MED23: variants seen among roughly 807,000 people sequenced by gnomAD.
MED23 encodes mediator complex subunit 23.
MED23 carries 105 observed loss-of-function variants against 163.9 expected under a neutral mutation model. The ratio of observed to expected loss-of-function variants is 0.64; its 90% CI spans 0.55 to 0.75. The LOEUF (loss-of-function observed/expected upper bound fraction) is 0.75, where lower values mean the gene tolerates loss of function less well. MED23 is among the 30% of genes least tolerant of loss of function. MED23 has a pLI of 0.00. For synonymous variants in MED23, 561 were observed against 565.6 expected (o/e 0.99, Z 0.12); for missense variants, 1,054 against 1,649.0 (o/e 0.64, Z 6.25).
chr6:131,592,616 TA>T, intron 24 of MED23, 156 bp from the exon 25 acceptor site: 1 of 691,708 alleles, frequency 1.4e-6, no homozygotes, highest in South Asian at 1.7e-5. Context: ...AATAAAAATG[TA>T]ATATGCATAA....
intron 17 of MED23, among the ~76,000 whole-genome samples, chr6:131,601,965 G>T (rs1775518229): frequency 6.6e-6 from 1 of 151,970 alleles, no homozygotes; most frequent in South Asian, 2.1e-4. Context: ...GCAGTCCTGA[G>T]ACCAAAAAGC....
At chr6:131,615,282 C>T (rs1010773056) in intron 10 of MED23, 21 of 1,602,662 alleles carry the variant, frequency 1.3e-5, no homozygotes, top group Non-Finnish European at 1.5e-5. Context: ...AAGCGGCCAG[C>T]GTATCGTTAG....
intron 30 of MED23, among the ~76,000 whole-genome samples, chr6:131,577,254 T>C (rs1336732820): frequency 1.3e-5 from 2 of 152,186 alleles, no homozygotes; most frequent in East Asian, 1.9e-4. Flanking sequence ...AAGATTCTGA[T>C]AAAGTGTTGG....
intron 5 of MED23, among the ~76,000 whole-genome samples, chr6:131,622,582 T>A (rs908827442): frequency 1.3e-5 from 2 of 152,332 alleles, no homozygotes; most frequent in African/African-American, 4.8e-5. Flanking sequence ...GTAACCAAGC[T>A]TGTAAAAGAC....
intron 30 of MED23, among the ~76,000 whole-genome samples, chr6:131,575,519 A>G (rs1773572766): frequency 6.6e-6 from 1 of 152,194 alleles, no homozygotes; most frequent in African/African-American, 2.4e-5. Context: ...CCTTGCTGCC[A>G]GGGACAGGAA....
intron 30 of MED23, among the ~76,000 whole-genome samples, chr6:131,578,432 A>C (rs1773737866): frequency 6.6e-6 from 1 of 152,176 alleles, no homozygotes; most frequent in Non-Finnish European, 1.5e-5. Flanking sequence ...AGCCTAATTC[A>C]AGGCCTTTTA....
At position 131,581,324 on chromosome 6, in the gene MED23, T is replaced by C. The variant is rs759282838; in HGVS notation, c.4095+6385A>G. ...TCAACACTCCACTGACAACCACAAG[T>C]GGAAACTTGCATGGACAACCTGTAT... On this transcript the variant is annotated intron_variant, in intron 30 of 30. Coordinates refer to the MED23 transcript ENST00000354577. 3.1e-6 allele frequency: 5 copies of C among 1,613,734 alleles called. No individual in the cohort carries two copies. The Admixed American group carries it at 5.0e-5, about 16-fold the overall frequency.
In MED23 at chr6:131,620,663, T is replaced by C; in HGVS notation, c.562A>G (p.Arg188Gly). Residue 188 changes from arginine to glycine, a missense_variant, in exon 7 of 29, where the codon AGG (arginine) becomes GGG (glycine). Physicochemically the swap from Arg to Gly is moderately radical, Grantham distance 125. Transcript: ENST00000368068. ...AGTTTGCCTTCAGGATACAGTTTCC[T>C]GATCTCAGTGACTGCAAAATAGGCT... ...LPAYFAVTEI[R>G]KLYPEGKLPH... 1.2e-6 allele frequency: 2 copies of C among 1,613,126 alleles called. No individual in the cohort carries two copies. The highest frequency in any genetic ancestry group is 1.1e-5 in the South Asian group (1 of 91,046).
In MED23 at chr6:131,597,491, A is replaced by C. The variant is rs966512812; in HGVS notation, c.2607+796T>G. 1.3e-5 allele frequency among the ~76,000 whole-genome samples: 2 copies of C among 150,224 alleles called. 1 individual carries two copies. The highest frequency in any genetic ancestry group is 1.3e-4 in the Admixed American group (2 of 15,096). On this transcript the variant is annotated intron_variant, in intron 20 of 28. Coordinates refer to ENST00000368068, the MANE Select transcript of MED23 (RefSeq NM_004830.4). ...ACTCCATATCAAAAAAAAAAAAAAA[A>C]AAAAAAGAAAAAAAAAATTCTGCTG...
chr6:131,591,224 C>T, intron 26 of MED23, 89 bp downstream of exon 26: 1 of 965,116 alleles, frequency 1.0e-6, no homozygotes, highest in Non-Finnish European at 1.6e-6. Context: ...GTGATCTGCC[C>T]ACCTCGGCCT....
rs200297631 is a variant in MED23 at position 131,587,753 on chromosome 6, G to A, written c.4033C>T (p.Pro1345Ser). The A allele has an allele frequency of 1.9e-6, 3 of 1,614,158 alleles. No homozygotes were observed. Among genetic ancestry groups the A allele is most frequent in the Non-Finnish European group, 2.5e-6 (3 of 1,180,008 alleles). ...GGAGACCCACTGTTCATGGCTTGTG[G>A]AGGCACTGCAGCTGGCTCCATCTTG... ...ISKMEPAAVP[P>S]QAMNSGSPAP... Residue 1345 changes from proline (P) to serine (S), a missense_variant, in exon 29 of 29, where the codon CCA (proline) becomes TCA (serine). Around this residue, in one of 11 missense-constraint regions of MED23, gnomAD observed 362 missense variants for 471.6 expected, o/e 0.77. Coordinates refer to ENST00000368068, the MANE Select transcript of MED23 (RefSeq NM_004830.4).
chr6:131,583,191 T>C (rs1172560790), downstream of MED23: 1 of 1,577,112 alleles, frequency 6.3e-7, no homozygotes, highest in East Asian at 2.2e-5. Flanking sequence ...TGTGCACACA[T>C]GTGTGTGCAA....
downstream of MED23, among the ~76,000 whole-genome samples, chr6:131,584,743 G>T (rs1349464799): frequency 6.6e-6 from 1 of 151,656 alleles, no homozygotes; most frequent in East Asian, 2.0e-4. Flanking sequence ...AGCACTTTGG[G>T]AGGACAAAGA....
chr6:131,584,282 T>C (rs1303695682), downstream of MED23: 3 of 212,506 alleles, frequency 1.4e-5, no homozygotes, highest in Admixed American at 1.1e-4. Context: ...TATGTGTCCA[T>C]GTCATTCAAA....
chr6:131,615,393 G>A (rs563238460), intron 10 of MED23: 1 of 1,554,538 alleles, frequency 6.4e-7, no homozygotes, highest in Non-Finnish European at 8.8e-7. Flanking sequence ...AAAAATAAAG[G>A]AAGAAAAAAA....
At chr6:131,582,517 T>C, downstream of MED23, 1 of 845,684 alleles carries the variant, frequency 1.2e-6, no homozygotes, top group Non-Finnish European at 2.0e-6. Flanking sequence ...TGTATTTATA[T>C]TCTAAATATA....
intron 17 of MED23, among the ~76,000 whole-genome samples, chr6:131,600,827 C>T (rs1312326111): frequency 1.3e-5 from 2 of 152,160 alleles, no homozygotes; most frequent in African/African-American, 2.4e-5. Flanking sequence ...ACAAATCAAA[C>T]AGTGGTGCCA....
intron 25 of MED23, 156 bp from the exon 26 acceptor site, chr6:131,591,683 C>A: frequency 1.5e-6 from 1 of 655,988 alleles, no homozygotes. Context: ...CAAATTAAGT[C>A]AGTAACAACC....
chr6:131,608,428 T>C (rs1776016978), intron 11 of MED23, among the ~76,000 whole-genome samples: 1 of 152,180 alleles, frequency 6.6e-6, no homozygotes, highest in Admixed American at 6.5e-5. Context: ...AATTCTTATT[T>C]TAAAAATCTC....
Sources: gnomAD v4.1 joint callset for allele counts (sites outside exome capture counted in the v4.1 genomes callset) on GRCh38, gnomAD v4.1.1 for gene constraint, gnomAD v4.1.1 regional missense constraint, MANE v1.5 for transcripts, NCBI Gene and HGNC (gene_info 2026-07-23, HGNC 2026-07-21) for gene names.